CTIF: variants seen among roughly 807,000 people sequenced by gnomAD.
CTIF encodes cap binding complex dependent translation initiation factor.
In CTIF, 21 loss-of-function variants were observed where a neutral mutation model predicts 66.0. The observed-to-expected ratio is 0.32, with a 90% CI of 0.23 to 0.46. The LOEUF is 0.46. CTIF is among the 20% of genes least tolerant of loss of function. The probability of loss-of-function intolerance (pLI) is 1.00; values close to 1 mark genes in which losing one functional copy is unlikely to be tolerated. For missense variants in CTIF, 739 were observed against 812.7 expected (o/e 0.91, Z 1.10); for synonymous variants, 345 against 326.4 (o/e 1.06, Z -0.62).
intron 1 of CTIF, among the ~76,000 whole-genome samples, chr18:48,569,564 G>A (rs148153809): frequency 2.6e-5 from 4 of 152,180 alleles, no homozygotes; most frequent in Non-Finnish European, 4.4e-5. Flanking sequence ...ATACCCAGCC[G>A]CACCAGTATA....
At chr18:48,625,814 C>T (rs931998094) in intron 2 of CTIF, among the ~76,000 whole-genome samples, 2 of 152,172 alleles carry the variant, frequency 1.3e-5, no homozygotes, top group Admixed American at 6.5e-5. Context: ...TACTTCAACA[C>T]ATACTGTTGA....
At chr18:48,568,707 G>A (rs1331268589) in intron 1 of CTIF, among the ~76,000 whole-genome samples, 2 of 141,968 alleles carry the variant, frequency 1.4e-5, no homozygotes, top group African/African-American at 5.1e-5. Context: ...GTCTGGGGAG[G>A]CCTCACAATC....
intron 10 of CTIF, among the ~76,000 whole-genome samples, chr18:48,835,456 G>T (rs2068788200): frequency 6.6e-6 from 1 of 152,098 alleles, no homozygotes. Context: ...TGGCCTTCAG[G>T]GTCTGAGAAC....
At chr18:48,659,474 C>T (rs1445244161) in intron 3 of CTIF, among the ~76,000 whole-genome samples, 2 of 152,176 alleles carry the variant, frequency 1.3e-5, no homozygotes, top group African/African-American at 4.8e-5. Context: ...GGGTGCTGTC[C>T]ATATGATATT....
intron 9 of CTIF, among the ~76,000 whole-genome samples, chr18:48,793,519 G>T (rs2067840060): frequency 6.6e-6 from 1 of 152,106 alleles, no homozygotes; most frequent in South Asian, 2.1e-4. Flanking sequence ...ACTATATTTT[G>T]TGCTCTGTAT....
At chr18:48,722,109 G>A (rs1031931274) in intron 7 of CTIF, among the ~76,000 whole-genome samples, 2 of 151,806 alleles carry the variant, frequency 1.3e-5, no homozygotes, top group African/African-American at 4.8e-5. Context: ...GAAGGTTCTA[G>A]AAAGGCAGCC....
At chr18:48,641,674 G>C (rs552630451) in intron 3 of CTIF, among the ~76,000 whole-genome samples, 1 of 152,334 alleles carries the variant, frequency 6.6e-6, no homozygotes, top group African/African-American at 2.4e-5. Flanking sequence ...CTGGCTCCAA[G>C]CACCTATTCA....
At chr18:48,859,008 C>T (rs949161580) in intron 11 of CTIF, among the ~76,000 whole-genome samples, 15 of 152,090 alleles carry the variant, frequency 9.9e-5, no homozygotes, top group African/African-American at 2.9e-4. Context: ...TTTGAGGGTG[C>T]GGATGTAGTC....
At chr18:48,581,929 G>T (rs2089666427) in intron 1 of CTIF, among the ~76,000 whole-genome samples, 1 of 152,114 alleles carries the variant, frequency 6.6e-6, no homozygotes, top group Non-Finnish European at 1.5e-5. Context: ...ATGGGCCAAA[G>T]CGGGGCAGAC....
In CTIF at chr18:48,824,734, G is replaced by T. The variant is rs144915546; in HGVS notation, c.1527+7358G>T. Among the ~76,000 whole-genome samples the T allele has an allele frequency of 1.4e-3, 217 of 151,956 alleles. 7 individuals carry two copies. The East Asian group carries it at 0.036, about 25-fold the overall frequency. On this transcript the variant is annotated intron_variant, in intron 10 of 11. Coordinates refer to ENST00000256413, the MANE Select transcript of CTIF (RefSeq NM_014772.3). ...CCCACTGCAACCTTCTTCGCCTCCC[G>T]GGTTCAAGCGATTCTTCTGCCTCAG...
intron 9 of CTIF, among the ~76,000 whole-genome samples, chr18:48,776,364 G>A (rs994003960): frequency 8.3e-6 from 1 of 120,536 alleles, no homozygotes; most frequent in Non-Finnish European, 1.8e-5. Context: ...TGGGGGAGGG[G>A]GAGCATGATG....
intron 7 of CTIF, among the ~76,000 whole-genome samples, chr18:48,720,284 A>G (rs1172790014): frequency 6.6e-6 from 1 of 151,680 alleles, no homozygotes; most frequent in Non-Finnish European, 1.5e-5. Context: ...GACGGGGGGG[A>G]TGCTTCTTCC....
intron 10 of CTIF, among the ~76,000 whole-genome samples, chr18:48,828,324 T>C (rs1202758214): frequency 6.6e-6 from 1 of 152,200 alleles, no homozygotes; most frequent in Non-Finnish European, 1.5e-5. Flanking sequence ...AAGCTTTGGG[T>C]ATTTTCTCTG....
chr18:48,735,480 C>T (rs985716727), intron 7 of CTIF, among the ~76,000 whole-genome samples: 1 of 152,076 alleles, frequency 6.6e-6, no homozygotes, highest in African/African-American at 2.4e-5. Context: ...GGACAGCCGG[C>T]GCACAGGCAC....
intron 10 of CTIF, 33 bp downstream of exon 10, chr18:48,817,409 G>C (rs534011721): frequency 6.3e-7 from 1 of 1,587,890 alleles, no homozygotes; most frequent in African/African-American, 1.3e-5. Context: ...CCCCTGCACA[G>C]CCAGACAGCA....
chr18:48,844,200 GGCCTAAAGGGGAA>G (rs2069016524), intron 10 of CTIF, among the ~76,000 whole-genome samples: 1 of 152,194 alleles, frequency 6.6e-6, no homozygotes, highest in South Asian at 2.1e-4. Context: ...GGATGGGGAG[GGCCTAAAGGGGAA>G]GCTGGGAGGC....
At chr18:48,690,962 A>G (rs2091916656) in intron 6 of CTIF, among the ~76,000 whole-genome samples, 1 of 152,106 alleles carries the variant, frequency 6.6e-6, no homozygotes, top group Non-Finnish European at 1.5e-5. Context: ...GGTATTGCAC[A>G]CGGCAGCTCC....
chr18:48,568,694 C>CATGT (rs1216769906), intron 1 of CTIF, among the ~76,000 whole-genome samples: 1 of 127,332 alleles, frequency 7.9e-6, no homozygotes, highest in Non-Finnish European at 1.6e-5. Context: ...CACAGTTCCA[C>CATGT]ATGTCTGGGG....
At position 48,774,797 on chromosome 18, in the gene CTIF, G is replaced by C. The variant is rs1009078944; in HGVS notation, c.1371+13108G>C. Among the ~76,000 whole-genome samples, 47 of 152,204 alleles carry C rather than the reference G, an allele frequency of 3.1e-4. 1 individual carries two copies. Among genetic ancestry groups the C allele is most frequent in the Admixed American group, 1.3e-4 (2 of 15,286 alleles). ...TAGAGCAAAGGCCATACGAAAGAAGGGGGTAGCTTAGGAGGTATTTGGGGA... is the reference window on the plus strand; with the variant it reads ...TAGAGCAAAGGCCATACGAAAGAAGCGGGTAGCTTAGGAGGTATTTGGGGA... On this transcript the variant is annotated intron_variant, in intron 9 of 11. Coordinates refer to ENST00000256413, the MANE Select transcript of CTIF (RefSeq NM_014772.3).
Sources: gnomAD v4.1 joint callset for allele counts (sites outside exome capture counted in the v4.1 genomes callset) on GRCh38, gnomAD v4.1.1 for gene constraint, MANE v1.5 for transcripts, NCBI Gene and HGNC (gene_info 2026-07-23, HGNC 2026-07-21) for gene names.